The following KIAA1217 variants were observed in gnomAD, a reference collection of about 807,000 sequenced individuals.
KIAA1217 encodes KIAA1217.
In KIAA1217, 88 loss-of-function variants were observed where a neutral mutation model predicts 163.9. The observed-to-expected ratio is 0.54, with a 90% CI of 0.45 to 0.64. KIAA1217 has a LOEUF of 0.64. KIAA1217 is among the 30% of genes least tolerant of loss of function. KIAA1217 has a pLI of 0.00. For synonymous variants in KIAA1217, 903 were observed against 923.1 expected, an observed-to-expected ratio of 0.98 and a Z score of 0.39; for missense variants, 2,372 against 2,475.0, an observed-to-expected ratio of 0.96 and a Z score of 0.88.
At chr10:24,391,220 G>A (rs1249771335) in intron 3 of KIAA1217, among the ~76,000 whole-genome samples, 1 of 152,026 alleles carries the variant, frequency 6.6e-6, no homozygotes, top group Non-Finnish European at 1.5e-5. Flanking sequence ...CAACCCTCAG[G>A]CACCATTATT....
intron 16 of KIAA1217, among the ~76,000 whole-genome samples, chr10:24,535,937 T>A (rs1475993965): frequency 6.6e-6 from 1 of 152,218 alleles, no homozygotes; most frequent in Non-Finnish European, 1.5e-5. Flanking sequence ...ACAGTATTTT[T>A]TTTTTAACCT....
intron 1 of KIAA1217, among the ~76,000 whole-genome samples, chr10:23,854,593 T>G (rs1020612945): frequency 2.0e-5 from 3 of 152,224 alleles, no homozygotes; most frequent in African/African-American, 7.2e-5. Context: ...CTCGTTGATC[T>G]GTCTAATTTT....
intron 6 of KIAA1217, among the ~76,000 whole-genome samples, chr10:24,486,702 G>A (rs2065447044): frequency 1.3e-5 from 2 of 152,094 alleles, no homozygotes. Context: ...CTTCCTTAAG[G>A]TCTTTATTCA....
rs1343698002 is a variant in KIAA1217, at chr10:24,276,559, C to T, written c.354+56650C>T. ...TCCTGGACTCAAGTGATGCTCCCAC[C>T]TCAGCCTCCCTAGTAGCTGGAACTA... On this transcript the variant is annotated intron_variant, in intron 2 of 20. Coordinates refer to ENST00000376454, the MANE Select transcript of KIAA1217 (RefSeq NM_019590.5). 2.0e-5 allele frequency among the ~76,000 whole-genome samples: 3 copies of T among 152,096 alleles called. No homozygotes were observed. In the East Asian group the frequency reaches 5.8e-4, roughly 29 times the overall value.
Position 24,211,361 on chromosome 10 carries a change from CTTTTTT to C in KIAA1217, c.70+2122_70+2127del, listed in dbSNP as rs1201397959. Among the ~76,000 whole-genome samples, 358 of 60,200 alleles carry C rather than the reference CTTTTTT, an allele frequency of 5.9e-3. 3 individuals carry two copies. Among genetic ancestry groups the C allele is most frequent in the Non-Finnish European group, 8.6e-3 (265 of 30,868 alleles). 39.5% of individuals were successfully genotyped at this position (60,200 alleles called of 152,430 possible). On this transcript the variant is annotated intron_variant, in intron 1 of 20. Coordinates refer to ENST00000376454, the MANE Select transcript of KIAA1217 (RefSeq NM_019590.5). ...GGGAATCTCCTGGCAGGTGGGACTA[CTTTTTT>C]TTTTTTTTTTTTTTTTTTTTTTTAG... is the stretch of plus-strand genomic sequence containing the variant.
At chr10:23,934,612 TA>T (rs1843435031) in intron 1 of KIAA1217, among the ~76,000 whole-genome samples, 1 of 80,860 alleles carries the variant, frequency 1.2e-5, no homozygotes, top group African/African-American at 1.1e-4. Context: ...TATATGTATA[TA>T]TATATATATA....
At chr10:23,935,060 C>T (rs921802285) in intron 1 of KIAA1217, among the ~76,000 whole-genome samples, 1 of 152,128 alleles carries the variant, frequency 6.6e-6, no homozygotes, top group South Asian at 2.1e-4. Context: ...TTCATATTAC[C>T]TCCATCACAT....
At chr10:24,538,480 C>A (rs939994485) in intron 17 of KIAA1217, among the ~76,000 whole-genome samples, 2 of 148,292 alleles carry the variant, frequency 1.3e-5, no homozygotes, top group East Asian at 2.1e-4. Flanking sequence ...GAGTTCAAGA[C>A]CAGCCTGGGC....
chr10:23,805,213 A>C (rs11815424), intron 1 of KIAA1217, among the ~76,000 whole-genome samples: 1 of 151,980 alleles, frequency 6.6e-6, no homozygotes, highest in Admixed American at 6.5e-5. Context: ...AGACACATAC[A>C]TGCGTATGTT....
intron 1 of KIAA1217, among the ~76,000 whole-genome samples, chr10:23,852,452 G>A (rs1170221397): frequency 6.6e-6 from 1 of 152,180 alleles, no homozygotes; most frequent in Non-Finnish European, 1.5e-5. Context: ...GTAGGGTGAT[G>A]CCTCCAGCTT....
intron 3 of KIAA1217, among the ~76,000 whole-genome samples, chr10:24,418,197 T>C (rs1395292582): frequency 6.6e-6 from 1 of 152,090 alleles, no homozygotes; most frequent in East Asian, 1.9e-4. Context: ...CTTCAAACGA[T>C]CCTCCTCCCT....
At chr10:24,520,296 T>C (rs774447073) in intron 11 of KIAA1217, 43 bp downstream of exon 11, 4 of 1,602,050 alleles carry the variant, frequency 2.5e-6, no homozygotes, top group East Asian at 4.5e-5. Context: ...GAGCTGTCTT[T>C]CCTGCGGTGT....
intron 1 of KIAA1217, among the ~76,000 whole-genome samples, chr10:23,927,925 C>A (rs2131305059): frequency 6.6e-6 from 1 of 152,274 alleles, no homozygotes; most frequent in South Asian, 2.1e-4. Flanking sequence ...AAATGGTAAT[C>A]ATAAGCTTGC....
intron 1 of KIAA1217, among the ~76,000 whole-genome samples, chr10:23,725,659 C>T (rs1204941701): frequency 2.6e-5 from 4 of 152,082 alleles, no homozygotes; most frequent in African/African-American, 9.7e-5. Flanking sequence ...AATTAATGTC[C>T]ACTACTGATG....
At chr10:23,731,969 A>G (rs1194215967) in intron 1 of KIAA1217, among the ~76,000 whole-genome samples, 1 of 152,124 alleles carries the variant, frequency 6.6e-6, no homozygotes, top group Non-Finnish European at 1.5e-5. Context: ...GTTGTGGTGT[A>G]TAACTCTTGT....
At chr10:24,008,127 T>G (rs1171814916) in intron 2 of KIAA1217, among the ~76,000 whole-genome samples, 1 of 151,986 alleles carries the variant, frequency 6.6e-6, no homozygotes, top group Non-Finnish European at 1.5e-5. Context: ...GATGTAAAAT[T>G]TTGGTATTTA....
At chr10:24,075,756 A>G (rs2061349702) in intron 2 of KIAA1217, among the ~76,000 whole-genome samples, 1 of 140,296 alleles carries the variant, frequency 7.1e-6, no homozygotes, top group Admixed American at 6.9e-5. Flanking sequence ...GGCGCCTGCC[A>G]CCATGCCTGG....
chr10:23,971,293 T>G (rs1845306221), intron 1 of KIAA1217, among the ~76,000 whole-genome samples: 1 of 152,242 alleles, frequency 6.6e-6, no homozygotes, highest in East Asian at 1.9e-4. Flanking sequence ...TTAGTGCTCA[T>G]GCTTGAGCCC....
chr10:23,699,766 A>T (rs1417577278), intron 1 of KIAA1217, among the ~76,000 whole-genome samples: 2 of 152,232 alleles, frequency 1.3e-5, no homozygotes, highest in African/African-American at 4.8e-5. Context: ...CTGGGATTAC[A>T]GGCATGAGCC....
Sources: allele counts gnomAD v4.1 joint callset (sites outside exome capture counted in the v4.1 genomes callset), GRCh38; gene constraint gnomAD v4.1.1; transcripts MANE v1.5; gene names NCBI Gene and HGNC (gene_info 2026-07-23, HGNC 2026-07-21).